Variants in RORA observed in about 807,000 individuals in gnomAD.
RORA encodes the protein nuclear receptor ROR-alpha.
Under a neutral mutation model 69.5 loss-of-function variants are expected in RORA, and 7 were observed. That is an observed-to-expected ratio of 0.10 (90% CI 0.06 to 0.19). RORA has a LOEUF of 0.19. RORA is among the 10% of genes least tolerant of loss of function. The probability of loss-of-function intolerance (pLI) is 1.00; values close to 1 mark genes in which losing one functional copy is unlikely to be tolerated. For missense variants in RORA, 457 were observed against 663.0 expected (o/e 0.69, Z 3.41); for synonymous variants, 261 against 240.8 (o/e 1.08, Z -0.78).
chr15:60,755,533 G>A lies in RORA; in HGVS notation c.167-76847C>T, dbSNP rs1015034929. On this transcript the variant is annotated intron_variant, in intron 1 of 10. Transcript: ENST00000335670. Reference sequence around the variant, plus strand: ...GATGGCTGGGTCAAATGGTATTTCTGGTTCTAGATCCCTGAGGAATCGCCA... The same window carrying A: ...GATGGCTGGGTCAAATGGTATTTCTAGTTCTAGATCCCTGAGGAATCGCCA... 3.6e-4 allele frequency among the ~76,000 whole-genome samples: 55 copies of A among 152,100 alleles called. 1 individual carries two copies. Among genetic ancestry groups the A allele is most frequent in the Admixed American group, 1.7e-3 (26 of 15,254 alleles).
At chr15:61,004,015 G>C (rs1894829818) in intron 1 of RORA, among the ~76,000 whole-genome samples, 1 of 151,580 alleles carries the variant, frequency 6.6e-6, no homozygotes, top group Admixed American at 6.6e-5. Flanking sequence ...AAAAATGTTT[G>C]AGGAACAAAA....
At chr15:60,503,752 T>C in intron 6 of RORA, 85 bp from the exon 7 acceptor site, 1 of 1,516,334 alleles carries the variant, frequency 6.6e-7, no homozygotes, top group South Asian at 1.2e-5. Context: ...AAGCAAAGCA[T>C]GCCACTGCTT....
intron 2 of RORA, chr15:60,558,402 G>A (rs1398726847): frequency 5.6e-6 from 4 of 715,616 alleles, no homozygotes; most frequent in Non-Finnish European, 9.7e-6. Context: ...AACATCTCAT[G>A]ACTTTTTTGT....
Position 61,098,156 on chromosome 15 carries a change from C to A in RORA, c.166+130897G>T, listed in dbSNP as rs181549340. 4.3e-3 allele frequency among the ~76,000 whole-genome samples: 382 copies of A among 89,078 alleles called. 1 individual carries two copies. Among genetic ancestry groups the A allele is most frequent in the African/African-American group, 0.013 (368 of 28,848 alleles). The allele number at this position is 89,078 out of a possible 152,430, so 58.4% of individuals were successfully genotyped here. A position where few individuals can be genotyped will look rare whatever the true frequency, so the allele number is the denominator to read the frequency against. Reference sequence around the variant, plus strand: ...CCCTCCCTCCTTCTTTCCCTCCCTCCCTTCCTTCCTTTCCCCCTTCCCTGC... The same window carrying A: ...CCCTCCCTCCTTCTTTCCCTCCCTCACTTCCTTCCTTTCCCCCTTCCCTGC... On this transcript the variant is annotated intron_variant, in intron 1 of 10. Coordinates refer to ENST00000335670, the MANE Select transcript of RORA (RefSeq NM_134261.3).
rs369039705 is a variant in RORA, at chr15:60,970,007, CTCTT to C, written c.166+259042_166+259045del. 4.5e-4 allele frequency among the ~76,000 whole-genome samples: 68 copies of C among 152,314 alleles called. No individual in the cohort carries two copies. The East Asian group carries it at 4.8e-3, about 11-fold the overall frequency. ...GTATGTGCACTCTTGCACGCGCACT[CTCTT>C]TCTTTCTCTCTCTCTCCAAAAAGAA... is the stretch of plus-strand genomic sequence containing the variant. On this transcript the variant is annotated intron_variant, in intron 1 of 10. Coordinates refer to ENST00000335670, the MANE Select transcript of RORA (RefSeq NM_134261.3).
intron 1 of RORA, among the ~76,000 whole-genome samples, chr15:61,035,690 T>A (rs1005521671): frequency 6.6e-6 from 1 of 152,170 alleles, no homozygotes; most frequent in Non-Finnish European, 1.5e-5. Context: ...ATGTCATTTT[T>A]AAAAATGGTC....
intron 1 of RORA, among the ~76,000 whole-genome samples, chr15:61,039,647 A>C (rs1896636544): frequency 6.6e-6 from 1 of 150,882 alleles, no homozygotes; most frequent in Non-Finnish European, 1.5e-5. Context: ...CAGGAAGCTG[A>C]GGCAGGCGAA....
At chr15:61,189,934 T>C (rs1347757615) in intron 1 of RORA, among the ~76,000 whole-genome samples, 1 of 106,940 alleles carries the variant, frequency 9.4e-6, no homozygotes, top group Non-Finnish European at 1.9e-5. Flanking sequence ...AAAAAAACAA[T>C]ACCAAACTGC....
intron 1 of RORA, among the ~76,000 whole-genome samples, chr15:61,050,710 T>C (rs1372358744): frequency 6.6e-6 from 1 of 152,220 alleles, no homozygotes; most frequent in African/African-American, 2.4e-5. Context: ...TACCTTCTCC[T>C]GCGATAAGAG....
At chr15:60,689,749 A>G (rs1403107302) in intron 1 of RORA, among the ~76,000 whole-genome samples, 3 of 152,194 alleles carry the variant, frequency 2.0e-5, no homozygotes, top group African/African-American at 7.2e-5. Context: ...CAGACAACAC[A>G]TAGAGAAAAA....
intron 5 of RORA, among the ~76,000 whole-genome samples, chr15:60,508,711 AT>A (rs1258874627): frequency 6.6e-6 from 1 of 152,230 alleles, no homozygotes; most frequent in Non-Finnish European, 1.5e-5. Context: ...TACGTGGTGT[AT>A]ACTGGGTTGT....
intron 1 of RORA, among the ~76,000 whole-genome samples, chr15:60,985,559 G>T (rs1595861995): frequency 6.8e-6 from 1 of 146,368 alleles, no homozygotes; most frequent in African/African-American, 2.5e-5. Context: ...AATTAATCTT[G>T]TGCTAGGTAA....
At chr15:60,781,204 G>A (rs1301302728) in intron 1 of RORA, among the ~76,000 whole-genome samples, 2 of 152,272 alleles carry the variant, frequency 1.3e-5, no homozygotes, top group African/African-American at 4.8e-5. Context: ...GCCTATCCTT[G>A]TCTCTTGTTA....
chr15:60,997,079 A>G (rs1418324952), intron 1 of RORA, among the ~76,000 whole-genome samples: 1 of 151,016 alleles, frequency 6.6e-6, no homozygotes, highest in Admixed American at 6.6e-5. Flanking sequence ...GATTACTGCT[A>G]TTCTTATAAA....
chr15:60,712,296 C>G (rs1296487332), intron 1 of RORA, among the ~76,000 whole-genome samples: 1 of 152,114 alleles, frequency 6.6e-6, no homozygotes, highest in Non-Finnish European at 1.5e-5. Flanking sequence ...TAGATGTTTT[C>G]TTTAAAAAGG....
chr15:60,632,535 A>G (rs1029190205), intron 2 of RORA, among the ~76,000 whole-genome samples: 2 of 152,194 alleles, frequency 1.3e-5, no homozygotes, highest in Admixed American at 6.5e-5. Flanking sequence ...ATTCCAAATA[A>G]TGATAGGGCA....
At chr15:61,090,572 G>A (rs916350588) in intron 1 of RORA, among the ~76,000 whole-genome samples, 9 of 152,180 alleles carry the variant, frequency 5.9e-5, no homozygotes, top group Non-Finnish European at 8.8e-5. Flanking sequence ...TGTAAAGAAA[G>A]CTATACAATA....
intron 3 of RORA, among the ~76,000 whole-genome samples, chr15:60,526,117 G>A (rs1363926657): frequency 2.0e-5 from 3 of 152,182 alleles, no homozygotes; most frequent in African/African-American, 7.2e-5. Context: ...ACGAAAGTTA[G>A]CTGGTCCAGC....
intron 1 of RORA, among the ~76,000 whole-genome samples, chr15:60,939,667 G>A (rs12438355): frequency 0.26 from 39,456 of 152,146 alleles, 5,608 homozygotes; most frequent in East Asian, 0.5. Flanking sequence ...TCATTATGGT[G>A]AATTATAACA....
Sources: gnomAD v4.1 joint callset for allele counts (sites outside exome capture counted in the v4.1 genomes callset) on GRCh38, gnomAD v4.1.1 for gene constraint, MANE v1.5 for transcripts, NCBI Gene and HGNC (gene_info 2026-07-23, HGNC 2026-07-21) for gene names.